The following CHCHD10 variants were observed in gnomAD, a reference collection of about 807,000 sequenced individuals.
The protein encoded by CHCHD10 is coiled-coil-helix-coiled-coil-helix domain-containing protein 10, mitochondrial.
In CHCHD10, 10 loss-of-function variants were observed where a neutral mutation model predicts 14.8. The ratio of observed to expected loss-of-function variants is 0.67; its 90% CI spans 0.42 to 1.14. The LOEUF is 1.14. Ranked by LOEUF, CHCHD10 falls within the 50% of genes most tolerant of loss-of-function variation. CHCHD10 has a pLI of 0.00. For synonymous variants in CHCHD10, 90 were observed against 85.2 expected (o/e 1.06, Z -0.31); for missense variants, 203 against 196.9 (o/e 1.03, Z -0.19).
In CHCHD10 at chr22:23,767,563, G is replaced by A; in HGVS notation, c.72C>T (p.Pro24=). Reference sequence around the variant, plus strand: ...CGGCTGCCGAGGGCGGTGGGTGCGCGGGCGGGTGGGCAGAGGGCGCGGCTG... The same window carrying A: ...CGGCTGCCGAGGGCGGTGGGTGCGCAGGCGGGTGGGCAGAGGGCGCGGCTG... ...SRPAAPSAHP[P]AHPPPSAAAP... The change falls in exon 2 of 4, where the codon CCC becomes CCT. Residue 24 remains proline (P), a synonymous_variant. Coordinates refer to ENST00000484558, the MANE Select transcript of CHCHD10 (RefSeq NM_213720.3). 1 of 1,370,774 alleles carries A rather than the reference G, an allele frequency of 7.3e-7. No individual in the cohort carries two copies. Among genetic ancestry groups the A allele is most frequent in the Admixed American group, 3.7e-5 (1 of 27,238 alleles). 84.9% of individuals were successfully genotyped at this position (1,370,774 alleles called of 1,614,324 possible). A position where few individuals can be genotyped will look rare whatever the true frequency, so the allele number is the denominator to read the frequency against.
rs1555925855 is a variant in CHCHD10, at chr22:23,767,400, C to T, written c.235G>A (p.Glu79Lys). The T allele has an allele frequency of 6.2e-7, 1 of 1,608,484 alleles. No homozygotes were observed. ...LTGAFSGGSS[E>K]PSQPAVQQAP... ...TGCTGGACAGCAGGCTGGGAGGGCT[C>T]CGAGCTCCCCCCGCTGAAGGCTCCG... is the stretch of plus-strand genomic sequence containing the variant. Residue 79 changes from glutamate (E) to lysine (K), a missense_variant, in exon 2 of 4, where the codon GAG (glutamate) becomes AAG (lysine). Glu to Lys is a moderately conservative substitution (Grantham distance 56, BLOSUM62 1). Transcript: ENST00000484558.
intron 2 of CHCHD10, chr22:23,766,533 A>G (rs1926838541): frequency 7.6e-6 from 3 of 395,024 alleles, no homozygotes; most frequent in Non-Finnish European, 1.4e-5. Flanking sequence ...GCTCACTGCA[A>G]CCTCCGCCTC....
At position 23,767,406 on chromosome 22, in the gene CHCHD10, TC is replaced by T; in HGVS notation, c.228del (p.Ser77AlafsTer53). On this transcript the variant is annotated frameshift_variant, in exon 2 of 4. Transcript: ENST00000484558. LOFTEE classifies it high-confidence loss of function. ...ACAGCAGGCTGGGAGGGCTCCGAGC[TC>T]CCCCCGCTGAAGGCTCCGGTCAGGG... ...GSALTGAFSGGSSEPSQPAVQ... is the reference protein window; with the variant it reads ...GSALTGAFSGXSSEPSQPAVQ... The T allele has an allele frequency of 6.2e-7, 1 of 1,607,220 alleles. No individual in the cohort carries two copies. The highest frequency in any genetic ancestry group is 8.5e-7 in the Non-Finnish European group (1 of 1,178,550).
In CHCHD10 at chr22:23,766,253, T is replaced by TG; in HGVS notation, c.283dup (p.Gln95ProfsTer24). The TG allele has an allele frequency of 5.9e-6, 6 of 1,009,610 alleles. No homozygotes were observed. The highest frequency in any genetic ancestry group is 2.9e-5 in the Admixed American group (1 of 34,720). 62.5% of individuals were successfully genotyped at this position (1,009,610 alleles called of 1,614,324 possible). ...GGCGCAGGGCCCCATCTGCAGGGGCTGGGGGGCAGCGGGGGTGGGGGCCTG... is the reference window on the plus strand; with the variant it reads ...GGCGCAGGGCCCCATCTGCAGGGGCTGGGGGGGCAGCGGGGGTGGGGGCCTG... On this transcript the variant is annotated frameshift_variant, in exon 3 of 4. Coordinates refer to ENST00000484558, the MANE Select transcript of CHCHD10 (RefSeq NM_213720.3). LOFTEE classifies it high-confidence loss of function.
Position 23,766,251 on chromosome 22 carries a change from GCT to G in CHCHD10, c.284_285del (p.Gln95ProfsTer23). 1.9e-6 allele frequency: 3 copies of G among 1,552,384 alleles called. No homozygotes were observed. Among genetic ancestry groups the G allele is most frequent in the Non-Finnish European group, 1.7e-6 (2 of 1,148,802 alleles). On this transcript the variant is annotated frameshift_variant, in exon 3 of 4. Transcript: ENST00000484558. LOFTEE classifies it high-confidence loss of function. ...TAGGCGCAGGGCCCCATCTGCAGGG[GCT>G]GGGGGGCAGCGGGGGTGGGGGCCTG... is the stretch of plus-strand genomic sequence containing the variant. The part of the protein sequence containing the change: ...VQQAPTPAAP[Q>X]PLQMGPCAYE...
At chr22:23,767,331 T>C (rs965210367) in intron 2 of CHCHD10, 43 bp downstream of exon 2, 1 of 1,541,034 alleles carries the variant, frequency 6.5e-7, no homozygotes, top group Admixed American at 1.7e-5. Context: ...CTGTGTGGCC[T>C]CGAGATAATC....
chr22:23,765,943 G>A lies in CHCHD10; in HGVS notation c.*64C>T. On this transcript the variant is annotated 3_prime_UTR_variant, in exon 4 of 4. Transcript: ENST00000484558. ...TATCTGGGTACAATCTGGTGTTGTG[G>A]TCTGGCTGTCGGCGAGGGGTAGAGG... The A allele has an allele frequency of 6.2e-7, 1 of 1,610,718 alleles. No individual in the cohort carries two copies. The highest frequency in any genetic ancestry group is 8.5e-7 in the Non-Finnish European group (1 of 1,177,932).
intron 2 of CHCHD10, among the ~76,000 whole-genome samples, chr22:23,766,939 G>C (rs142121646): frequency 9.9e-5 from 15 of 152,208 alleles, no homozygotes; most frequent in African/African-American, 3.1e-4. Flanking sequence ...TTTGGCTTAC[G>C]GCGGTGGGGT....
chr22:23,766,188 T>A lies in CHCHD10; in HGVS notation c.349A>T (p.Ser117Cys), dbSNP rs931085449. ...AAGCCCTCACACAGGGACAGGTCAC[T>A]CTGAGTGGTGGAACAGTCCAGGAAC... ...RQFLDCSTTQ[S>C]DLSLCEGFSE... The change falls in exon 3 of 4, where the codon AGT becomes TGT. Residue 117 changes from serine (S) to cysteine (C), a missense_variant. Ser to Cys is a moderately radical substitution (Grantham distance 112). Transcript: ENST00000484558. 1.2e-6 allele frequency: 2 copies of A among 1,612,142 alleles called. No individual in the cohort carries two copies. Among genetic ancestry groups the A allele is most frequent in the Non-Finnish European group, 1.7e-6 (2 of 1,179,290 alleles).
chr22:23,766,369 C>T (rs959387361), intron 2 of CHCHD10, 94 bp from the exon 3 acceptor site: 23 of 1,195,624 alleles, frequency 1.9e-5, no homozygotes, highest in Non-Finnish European at 2.7e-5. Context: ...TCCCCACATC[C>T]CCAGCCTGGG....
chr22:23,765,999 C>A lies in CHCHD10; in HGVS notation c.*8G>T, dbSNP rs372342375. On this transcript the variant is annotated 3_prime_UTR_variant, in exon 4 of 4. Coordinates refer to ENST00000484558, the MANE Select transcript of CHCHD10 (RefSeq NM_213720.3). ...GCAGGACTGGCCCCCGAGTCTGCACCGACCTCTTCAGGGCAGGGAGCTCAG... is the reference window on the plus strand; with the variant it reads ...GCAGGACTGGCCCCCGAGTCTGCACAGACCTCTTCAGGGCAGGGAGCTCAG... The A allele has an allele frequency of 1.1e-5, 17 of 1,613,386 alleles. No homozygotes were observed. Among genetic ancestry groups the A allele is most frequent in the Non-Finnish European group, 1.4e-5 (17 of 1,179,828 alleles).
At position 23,767,880 on chromosome 22, in the gene CHCHD10, C is replaced by G; in HGVS notation, c.-6G>C. ...CTGCGGCTTCCCCGAGGCATGGTGG[C>G]GGCGGTGGGACCCGGGCGACCTTAG... On this transcript the variant is annotated 5_prime_UTR_variant, in exon 1 of 4. Transcript: ENST00000484558. 1 of 1,507,314 alleles carries G rather than the reference C, an allele frequency of 6.6e-7. No individual in the cohort carries two copies. Among genetic ancestry groups the G allele is most frequent in the Non-Finnish European group, 8.9e-7 (1 of 1,125,210 alleles). The allele number at this position is 1,507,314 out of a possible 1,614,324, so 93.4% of individuals were successfully genotyped here.
chr22:23,766,096 C>T (rs761770581), intron 3 of CHCHD10, 32 bp downstream of exon 3: 11 of 1,613,252 alleles, frequency 6.8e-6, no homozygotes, highest in Admixed American at 1.7e-5. Context: ...GCCTCTCCCC[C>T]TCCCCGCCTG....
rs370872556 is a variant in CHCHD10, at chr22:23,767,406, T to C, written c.229A>G (p.Ser77Gly). 290 of 1,607,216 alleles carry C rather than the reference T, an allele frequency of 1.8e-4. 2 individuals carry two copies. In the African/African-American group the frequency reaches 3.5e-3, roughly 19 times the overall value. The change falls in exon 2 of 4, where the codon AGC becomes GGC. Residue 77 changes from serine to glycine, a missense_variant. By Grantham distance (56) the Ser-to-Gly change is moderately conservative. Transcript: ENST00000484558. ...SALTGAFSGG[S>G]SEPSQPAVQQ... ...ACAGCAGGCTGGGAGGGCTCCGAGC[T>C]CCCCCCGCTGAAGGCTCCGGTCAGG...
chr22:23,767,234 G>A, intron 2 of CHCHD10, 140 bp downstream of exon 2: 1 of 699,506 alleles, frequency 1.4e-6, no homozygotes, highest in Non-Finnish European at 2.5e-6. Flanking sequence ...CAAGACCAGT[G>A]GACTAGGACC....
Position 23,767,609 on chromosome 22 carries a change from G to T in CHCHD10, c.42-16C>A. ...GGCTGGGCGGCTGCGGGGGTGGGAG[G>T]AAGCAGGGTTAATCCTGGCCAGACC... On this transcript the variant is annotated splice_polypyrimidine_tract_variant and intron_variant, in intron 1 of 3. Transcript: ENST00000484558. 2 of 1,079,442 alleles carry T rather than the reference G, an allele frequency of 1.9e-6. No homozygotes were observed. The highest frequency in any genetic ancestry group is 2.5e-6 in the Non-Finnish European group (2 of 808,704). 66.9% of individuals were successfully genotyped at this position (1,079,442 alleles called of 1,614,324 possible). A position where few individuals can be genotyped will look rare whatever the true frequency, so the allele number is the denominator to read the frequency against.
rs757795476 is a variant in CHCHD10, at chr22:23,766,111, G to A, written c.409+17C>T. 8.1e-6 allele frequency: 13 copies of A among 1,613,370 alleles called. No individual in the cohort carries two copies. Among genetic ancestry groups the A allele is most frequent in the East Asian group, 4.5e-5 (2 of 44,834 alleles). ...GCCTCTCCCCCTCCCCGCCTGAGTC[G>A]GGGTCCACTCACTCACCATGGTAGT... On this transcript the variant is annotated intron_variant, in intron 3 of 3. Coordinates refer to ENST00000484558, the MANE Select transcript of CHCHD10 (RefSeq NM_213720.3).
rs1926833871 is a variant in CHCHD10, at chr22:23,766,496, AGAGTG to A, written c.262-226_262-222del. 29 of 523,400 alleles carry A rather than the reference AGAGTG, an allele frequency of 5.5e-5. No homozygotes were observed. In the South Asian group the frequency reaches 6.5e-4, roughly 12 times the overall value. 32.4% of individuals were successfully genotyped at this position (523,400 alleles called of 1,614,324 possible). On this transcript the variant is annotated intron_variant, in intron 2 of 3. Coordinates refer to ENST00000484558, the MANE Select transcript of CHCHD10 (RefSeq NM_213720.3). ...GAGACAGAGTCTCACTCTGTCACCT[AGAGTG>A]GAGTGCAGCGGCGCAGTCTCGGCTC...
intron 2 of CHCHD10, chr22:23,766,538 C>T (rs931138421): frequency 6.0e-5 from 24 of 399,338 alleles, no homozygotes; most frequent in Admixed American, 3.3e-4. Flanking sequence ...CTGCAACCTC[C>T]GCCTCCCGGG....
Sources: allele counts gnomAD v4.1 joint callset (sites outside exome capture counted in the v4.1 genomes callset), GRCh38; gene constraint gnomAD v4.1.1; transcripts MANE v1.5; gene names NCBI Gene and HGNC (gene_info 2026-07-23, HGNC 2026-07-21).